RAP1A: variants seen among roughly 807,000 people sequenced by gnomAD.
RAP1A encodes ras-related protein Rap-1A.
RAP1A carries 6 observed loss-of-function variants against 26.4 expected under a neutral mutation model. The ratio of observed to expected loss-of-function variants is 0.23; its 90% CI spans 0.12 to 0.45. The LOEUF (loss-of-function observed/expected upper bound fraction) is 0.45. Among genes scored for constraint, RAP1A ranks in the 20% least tolerant of loss-of-function variants. The pLI, the probability that RAP1A is intolerant of heterozygous loss-of-function variation, is 0.99. For missense variants in RAP1A, 121 were observed against 217.2 expected, an observed-to-expected ratio of 0.56 and a Z score of 2.78; for synonymous variants, 73 against 79.4, an observed-to-expected ratio of 0.92 and a Z score of 0.43.
At chr1:111,688,728 T>C (rs1380514696) in intron 1 of RAP1A, among the ~76,000 whole-genome samples, 1 of 152,112 alleles carries the variant, frequency 6.6e-6, no homozygotes, top group Non-Finnish European at 1.5e-5. Context: ...TGTGCCTCGT[T>C]GTGGTTTTCT....
intron 1 of RAP1A, among the ~76,000 whole-genome samples, chr1:111,623,626 G>C (rs1041461096): frequency 3.9e-5 from 6 of 152,068 alleles, no homozygotes; most frequent in African/African-American, 9.7e-5. Context: ...GGTCAGGCTG[G>C]TCTTGAACTC....
At chr1:111,664,395 AAAAC>A (rs1376956989) in intron 1 of RAP1A, among the ~76,000 whole-genome samples, 4 of 144,822 alleles carry the variant, frequency 2.8e-5, no homozygotes, top group South Asian at 2.2e-4. Context: ...AAAAAAAAAA[AAAAC>A]AAAAAACAAA....
chr1:111,684,900 A>ACTGGT (rs1481423663), intron 1 of RAP1A, among the ~76,000 whole-genome samples: 6 of 152,234 alleles, frequency 3.9e-5, no homozygotes, highest in African/African-American at 1.4e-4. Flanking sequence ...AGGCTGCAGC[A>ACTGGT]ACCAAAACAG....
intron 1 of RAP1A, chr1:111,602,226 G>T (rs1310703281): frequency 6.6e-6 from 1 of 152,166 alleles, no homozygotes; most frequent in Non-Finnish European, 1.5e-5. Context: ...TTATGTTCAG[G>T]ATCAAGTCAG....
At chr1:111,675,315 A>T (rs1384741538) in intron 1 of RAP1A, among the ~76,000 whole-genome samples, 1 of 152,074 alleles carries the variant, frequency 6.6e-6, no homozygotes, top group Non-Finnish European at 1.5e-5. Context: ...CCCCGTCTCT[A>T]CAAAAAATTA....
chr1:111,596,357 T>G (rs1658563603), intron 1 of RAP1A, among the ~76,000 whole-genome samples: 2 of 152,150 alleles, frequency 1.3e-5, no homozygotes, highest in Admixed American at 1.3e-4. Flanking sequence ...CACCTCCCAG[T>G]TTTTCCTAGG....
intron 1 of RAP1A, among the ~76,000 whole-genome samples, chr1:111,658,945 T>C (rs1337267822): frequency 6.6e-6 from 1 of 152,192 alleles, no homozygotes; most frequent in East Asian, 1.9e-4. Flanking sequence ...TTAAGAATTG[T>C]TATGTCTTCT....
chr1:111,565,359 T>C (rs1657895432), intron 1 of RAP1A, among the ~76,000 whole-genome samples: 1 of 152,196 alleles, frequency 6.6e-6, no homozygotes, highest in South Asian at 2.1e-4. Context: ...CCAGAATTGT[T>C]GGGTGCTGAT....
At chr1:111,587,677 C>A (rs1160726367) in intron 1 of RAP1A, among the ~76,000 whole-genome samples, 1 of 152,166 alleles carries the variant, frequency 6.6e-6, no homozygotes, top group Non-Finnish European at 1.5e-5. Context: ...TTTAAGTCTA[C>A]CTATTATTGT....
chr1:111,668,893 G>T (rs769219859), intron 1 of RAP1A, among the ~76,000 whole-genome samples: 10 of 151,958 alleles, frequency 6.6e-5, no homozygotes, highest in African/African-American at 1.2e-4. Flanking sequence ...AGCTGGGCAT[G>T]GTGGTGTGTG....
Position 111,612,727 on chromosome 1 carries a change from C to G in RAP1A, c.-28+70218C>G, listed in dbSNP as rs372653123. Among the ~76,000 whole-genome samples, 97 of 152,292 alleles carry G rather than the reference C, an allele frequency of 6.4e-4. 1 individual carries two copies. The South Asian group carries it at 0.019, about 29-fold the overall frequency. ...ATGTGAATAACCGAAAAGTAATTGTCTATTTACAAACCTGGATGTTTATAG... is the reference window on the plus strand; with the variant it reads ...ATGTGAATAACCGAAAAGTAATTGTGTATTTACAAACCTGGATGTTTATAG... On this transcript the variant is annotated intron_variant, in intron 1 of 7. Transcript: ENST00000356415.
chr1:111,642,080 A>G (rs902320529), intron 1 of RAP1A, among the ~76,000 whole-genome samples: 3 of 152,182 alleles, frequency 2.0e-5, no homozygotes, highest in Non-Finnish European at 4.4e-5. Flanking sequence ...CCCTGTCTCT[A>G]CTAAAAATAC....
At chr1:111,692,899 T>TA (rs1290114290) in intron 2 of RAP1A, among the ~76,000 whole-genome samples, 135 of 152,286 alleles carry the variant, frequency 8.9e-4, no homozygotes, top group Non-Finnish European at 3.4e-4. Context: ...GGAACAAGGG[T>TA]GGTAGATAAG....
intron 1 of RAP1A, among the ~76,000 whole-genome samples, chr1:111,689,825 C>T (rs566139132): frequency 5.3e-5 from 8 of 152,174 alleles, no homozygotes; most frequent in East Asian, 3.9e-4. Flanking sequence ...ACCCGCCACC[C>T]GCCACCACGC....
intron 6 of RAP1A, among the ~76,000 whole-genome samples, chr1:111,705,730 T>G (rs913728677): frequency 6.6e-6 from 1 of 152,218 alleles, no homozygotes; most frequent in African/African-American, 2.4e-5. Flanking sequence ...GGAACAAGTC[T>G]TTCAGCAATA....
At chr1:111,630,273 T>C (rs1659528935) in intron 1 of RAP1A, among the ~76,000 whole-genome samples, 1 of 152,230 alleles carries the variant, frequency 6.6e-6, no homozygotes, top group Non-Finnish European at 1.5e-5. Flanking sequence ...AGAAGATTTT[T>C]TCATACTCCT....
intron 1 of RAP1A, among the ~76,000 whole-genome samples, chr1:111,588,405 T>A (rs1250572446): frequency 2.0e-5 from 3 of 152,174 alleles, no homozygotes; most frequent in African/African-American, 7.2e-5. Flanking sequence ...AAGATGCAAA[T>A]CAATCAGATC....
chr1:111,700,199 C>CT (rs1304140434), intron 4 of RAP1A, among the ~76,000 whole-genome samples: 8 of 152,156 alleles, frequency 5.3e-5, no homozygotes, highest in Non-Finnish European at 2.9e-5. Flanking sequence ...TAAATACTAA[C>CT]TTTGTAACCC....
intron 1 of RAP1A, among the ~76,000 whole-genome samples, chr1:111,668,960 G>A (rs1456564269): frequency 1.3e-5 from 2 of 149,660 alleles, no homozygotes; most frequent in Non-Finnish European, 3.0e-5. Flanking sequence ...AGTCCAGGAG[G>A]TCAAGGCTGC....
Sources: allele counts gnomAD v4.1 joint callset (sites outside exome capture counted in the v4.1 genomes callset), GRCh38; gene constraint gnomAD v4.1.1; transcripts MANE v1.5; gene names NCBI Gene and HGNC (gene_info 2026-07-23, HGNC 2026-07-21).